Variants in TTLL5 observed in about 807,000 individuals in gnomAD.
TTLL5 encodes tubulin tyrosine ligase like 5.
TTLL5 carries 132 observed loss-of-function variants against 168.4 expected under a neutral mutation model. The ratio of observed to expected loss-of-function variants is 0.78; its 90% CI spans 0.68 to 0.91. TTLL5 has a LOEUF of 0.91. TTLL5 is among the 40% of genes least tolerant of loss of function. The pLI is 0.00. For missense variants in TTLL5, 1,545 were observed against 1,581.5 expected (o/e 0.98, Z 0.39); for synonymous variants, 546 against 558.6 (o/e 0.98, Z 0.32).
intron 7 of TTLL5, among the ~76,000 whole-genome samples, chr14:75,706,081 G>A (rs78825162): frequency 1.3e-5 from 2 of 152,152 alleles, no homozygotes; most frequent in Non-Finnish European, 2.9e-5. Flanking sequence ...CCTTTCTACT[G>A]GGCTTGGTGC....
At chr14:75,842,911 G>T (rs1461407294) in intron 28 of TTLL5, among the ~76,000 whole-genome samples, 1 of 152,150 alleles carries the variant, frequency 6.6e-6, no homozygotes, top group Non-Finnish European at 1.5e-5. Flanking sequence ...CTCAAAGGTG[G>T]TGTCCACTTT....
chr14:75,768,046 A>T (rs1891065079), intron 20 of TTLL5, among the ~76,000 whole-genome samples: 1 of 152,236 alleles, frequency 6.6e-6, no homozygotes, highest in African/African-American at 2.4e-5. Flanking sequence ...TCCAATAGAC[A>T]GGTGGACAGC....
intron 31 of TTLL5, among the ~76,000 whole-genome samples, chr14:75,923,220 T>C (rs1566661926): frequency 6.6e-6 from 1 of 152,222 alleles, no homozygotes; most frequent in Non-Finnish European, 1.5e-5. Flanking sequence ...TCAGTTCTGC[T>C]CTGATGTTAG....
intron 30 of TTLL5, among the ~76,000 whole-genome samples, chr14:75,891,764 A>T (rs1343240797): frequency 6.6e-6 from 1 of 152,232 alleles, no homozygotes; most frequent in Non-Finnish European, 1.5e-5. Context: ...AGTAGAGTAC[A>T]GTTGTTAATA....
chr14:75,691,492 G>A (rs1885458923), intron 6 of TTLL5, among the ~76,000 whole-genome samples: 1 of 152,218 alleles, frequency 6.6e-6, no homozygotes, highest in Non-Finnish European at 1.5e-5. Flanking sequence ...GGCGACTAAG[G>A]TACAGTTTGG....
chr14:75,889,554 G>A (rs973087804), intron 30 of TTLL5, among the ~76,000 whole-genome samples: 9 of 152,052 alleles, frequency 5.9e-5, no homozygotes, highest in East Asian at 1.9e-4. Context: ...GGCTGGGTGC[G>A]GTGCCTCACA....
chr14:75,744,261 T>C (rs1458907908), intron 15 of TTLL5: 2 of 152,232 alleles, frequency 1.3e-5, no homozygotes, highest in African/African-American at 2.4e-5. Flanking sequence ...TTTTTGTCTG[T>C]CACTTCATCT....
chr14:75,794,290 T>C (rs571291839), intron 27 of TTLL5, among the ~76,000 whole-genome samples: 1 of 152,164 alleles, frequency 6.6e-6, no homozygotes, highest in East Asian at 1.9e-4. Flanking sequence ...TACTAAGATA[T>C]GATGGGAAGG....
intron 31 of TTLL5, among the ~76,000 whole-genome samples, chr14:75,921,988 A>G (rs1037442818): frequency 6.6e-6 from 1 of 152,098 alleles, no homozygotes; most frequent in Non-Finnish European, 1.5e-5. Context: ...CTTTGTAGCA[A>G]TTGTGAATGG....
At chr14:75,887,100 T>G (rs73321406) in intron 30 of TTLL5, 12 of 1,137,316 alleles carry the variant, frequency 1.1e-5, no homozygotes, top group Non-Finnish European at 1.3e-5. Context: ...TGGTAACGAC[T>G]GTTCTGTGTC....
intron 2 of TTLL5, among the ~76,000 whole-genome samples, chr14:75,664,653 G>A (rs554911023): frequency 8.8e-4 from 134 of 152,266 alleles, no homozygotes; most frequent in African/African-American, 3.0e-3. Context: ...ATCACTGTTA[G>A]GTCATAGAAA....
chr14:75,740,082 T>G (rs1889158123), intron 15 of TTLL5, among the ~76,000 whole-genome samples: 1 of 152,252 alleles, frequency 6.6e-6, no homozygotes, highest in African/African-American at 2.4e-5. Flanking sequence ...TCAGTGTTTG[T>G]TGATGTGTTA....
At chr14:75,707,848 C>T in intron 9 of TTLL5, 141 bp downstream of exon 9, 1 of 713,430 alleles carries the variant, frequency 1.4e-6, no homozygotes, top group East Asian at 2.6e-5. Context: ...AATCCACCTC[C>T]TCAACTGCTG....
At chr14:75,674,750 TA>T (rs1884011067) in intron 3 of TTLL5, among the ~76,000 whole-genome samples, 3 of 152,166 alleles carry the variant, frequency 2.0e-5, no homozygotes, top group African/African-American at 7.2e-5. Flanking sequence ...TATTTGTATA[TA>T]CTAGCAATAG....
intron 25 of TTLL5, 66 bp downstream of exon 25, chr14:75,782,639 C>T: frequency 7.7e-7 from 1 of 1,299,052 alleles, no homozygotes; most frequent in South Asian, 1.3e-5. Flanking sequence ...AGGAAATAGT[C>T]ATCAGATATT....
chr14:75,828,279 C>A (rs890439980), intron 28 of TTLL5, among the ~76,000 whole-genome samples: 2 of 152,156 alleles, frequency 1.3e-5, no homozygotes, highest in African/African-American at 4.8e-5. Flanking sequence ...CTTCCATCAT[C>A]TGCCACCCCT....
chr14:75,738,311 T>A (rs1464598081), intron 15 of TTLL5, among the ~76,000 whole-genome samples: 2 of 152,222 alleles, frequency 1.3e-5, no homozygotes, highest in Non-Finnish European at 2.9e-5. Context: ...GATATAGATA[T>A]TCTCATATAT....
chr14:75,953,669 T>A (rs746584555), intron 31 of TTLL5, among the ~76,000 whole-genome samples: 6 of 152,020 alleles, frequency 3.9e-5, no homozygotes, highest in Non-Finnish European at 7.4e-5. Context: ...ATTGTTGGGA[T>A]TGAGGGGTTG....
In TTLL5 at chr14:75,783,431, T is replaced by C. The variant is rs1198928418; in HGVS notation, c.2887T>C (p.Cys963Arg). ...CCCAAGCCCTACTGGCCTGCCACGC[T>C]GTCGATCAGGAAGTCACACCATTGG... ...NIPSPTGLPR[C>R]RSGSHTIGPF... Residue 963 changes from cysteine (C) to arginine (R), a missense_variant, in exon 26 of 32, where the codon TGT becomes CGT. Coordinates refer to ENST00000298832, the MANE Select transcript of TTLL5 (RefSeq NM_015072.5). 2 of 1,614,234 alleles carry C rather than the reference T, an allele frequency of 1.2e-6. No homozygotes were observed. Among genetic ancestry groups the C allele is most frequent in the East Asian group, 4.5e-5 (2 of 44,880 alleles).
Sources: gnomAD v4.1 joint callset for allele counts (sites outside exome capture counted in the v4.1 genomes callset) on GRCh38, gnomAD v4.1.1 for gene constraint, MANE v1.5 for transcripts, NCBI Gene and HGNC (gene_info 2026-07-23, HGNC 2026-07-21) for gene names.